The following MACROD2 variants were observed in gnomAD, a reference collection of about 807,000 sequenced individuals.
MACROD2 encodes the protein ADP-ribose glycohydrolase MACROD2.
In MACROD2, 36 loss-of-function variants were observed where a neutral mutation model predicts 70.4. That is an observed-to-expected ratio of 0.51 (90% CI 0.39 to 0.68). MACROD2 has a LOEUF of 0.68. Ranked by LOEUF, MACROD2 falls within the 30% of genes least tolerant of loss-of-function variation. The pLI is 0.00. For missense variants in MACROD2, 496 were observed against 538.4 expected (o/e 0.92, Z 0.78); for synonymous variants, 172 against 178.8 (o/e 0.96, Z 0.30).
At chr20:15,384,506 T>C (rs1484340269) in intron 6 of MACROD2, among the ~76,000 whole-genome samples, 1 of 152,164 alleles carries the variant, frequency 6.6e-6, no homozygotes, top group East Asian at 1.9e-4. Context: ...ATGAACTACA[T>C]GAAACCTCGT....
At chr20:15,537,110 T>C (rs920564362) in intron 8 of MACROD2, among the ~76,000 whole-genome samples, 5 of 152,210 alleles carry the variant, frequency 3.3e-5, no homozygotes, top group Admixed American at 1.3e-4. Flanking sequence ...TCGGACATAA[T>C]TGAATCCTGG....
intron 10 of MACROD2, among the ~76,000 whole-genome samples, chr20:15,890,111 T>G (rs6043598): frequency 0.024 from 3,628 of 152,278 alleles, 142 homozygotes; most frequent in African/African-American, 0.082. Flanking sequence ...ATGTTTCATG[T>G]TCATATTCAA....
chr20:15,262,417 A>G (rs1355033204), intron 6 of MACROD2, among the ~76,000 whole-genome samples: 3 of 152,040 alleles, frequency 2.0e-5, no homozygotes, highest in African/African-American at 7.2e-5. Flanking sequence ...CATTGCGTAT[A>G]TGTACCATGT....
chr20:14,721,871 GCAGTGACCTCTCTAATCCT>G (rs2071474009), intron 5 of MACROD2, among the ~76,000 whole-genome samples: 1 of 152,090 alleles, frequency 6.6e-6, no homozygotes. Context: ...CTCTAACCAT[GCAGTGACCTCTCTAATCCT>G]CCCCTTCTCT....
intron 9 of MACROD2, among the ~76,000 whole-genome samples, chr20:15,874,707 A>G (rs1177533857): frequency 6.6e-6 from 1 of 152,126 alleles, no homozygotes; most frequent in Admixed American, 6.6e-5. Flanking sequence ...CGCTTTGTAT[A>G]CAAAGCAATC....
Position 14,917,145 on chromosome 20 carries a change from T to A in MACROD2, c.418+232186T>A, listed in dbSNP as rs555610087. Among the ~76,000 whole-genome samples the A allele has an allele frequency of 2.0e-5, 3 of 151,188 alleles. No individual in the cohort carries two copies. In the Admixed American group the frequency reaches 2.0e-4, roughly 10 times the overall value. ...GGGGGCTTATTGCTTCCATCCCTGC[T>A]CAGATGGTTTTGCATTTCCGTGGCA... On this transcript the variant is annotated intron_variant, in intron 5 of 17. Coordinates refer to ENST00000684519, the MANE Select transcript of MACROD2 (RefSeq NM_001351661.2).
At chr20:15,728,031 A>G (rs1196767019) in intron 8 of MACROD2, among the ~76,000 whole-genome samples, 4 of 152,040 alleles carry the variant, frequency 2.6e-5, no homozygotes, top group African/African-American at 9.7e-5. Flanking sequence ...GATGTTGGCT[A>G]TGGGTTTGTC....
chr20:14,558,692 A>G (rs1322456000), intron 4 of MACROD2, among the ~76,000 whole-genome samples: 2 of 151,800 alleles, frequency 1.3e-5, no homozygotes, highest in Non-Finnish European at 3.0e-5. Flanking sequence ...GTGAAGCAAA[A>G]TGAAACATTA....
chr20:15,474,068 G>C (rs553537939), intron 7 of MACROD2, among the ~76,000 whole-genome samples: 1 of 152,178 alleles, frequency 6.6e-6, no homozygotes, highest in Non-Finnish European at 1.5e-5. Flanking sequence ...ATAGGAACGA[G>C]AATTAATTAT....
chr20:14,566,867 G>A (rs1979839972), intron 4 of MACROD2: 1 of 151,670 alleles, frequency 6.6e-6, no homozygotes, highest in South Asian at 2.1e-4. Flanking sequence ...AATTCTAATA[G>A]TATAAATTGT....
chr20:15,213,957 T>C (rs146349969), intron 5 of MACROD2, among the ~76,000 whole-genome samples: 2 of 152,152 alleles, frequency 1.3e-5, no homozygotes, highest in African/African-American at 4.8e-5. Context: ...AGAAACCAGA[T>C]TGGTCTTAAA....
chr20:14,086,221 C>A, intron 3 of MACROD2: 1 of 381,704 alleles, frequency 2.6e-6, no homozygotes. Context: ...TTATGAAATG[C>A]TTAATTTTAA....
At chr20:15,608,385 A>G (rs952557168) in intron 8 of MACROD2, among the ~76,000 whole-genome samples, 5 of 152,228 alleles carry the variant, frequency 3.3e-5, no homozygotes, top group Admixed American at 6.5e-5. Context: ...TTGATCTCTT[A>G]TGCTTTACCA....
At chr20:14,151,264 T>G (rs1601284275) in intron 3 of MACROD2, among the ~76,000 whole-genome samples, 1 of 52 alleles carries the variant, frequency 0.019, no homozygotes, top group South Asian at 0.5. Flanking sequence ...CTAGTGTAGA[T>G]TTTTTTTCTG....
chr20:15,898,700 G>A (rs2065014234), intron 10 of MACROD2, among the ~76,000 whole-genome samples: 2 of 151,976 alleles, frequency 1.3e-5, no homozygotes, highest in Admixed American at 1.3e-4. Flanking sequence ...CTTGAGTCTA[G>A]GTTACCTGGG....
At chr20:15,851,720 G>A (rs1025209786) in intron 8 of MACROD2, among the ~76,000 whole-genome samples, 2 of 152,132 alleles carry the variant, frequency 1.3e-5, no homozygotes, top group Non-Finnish European at 2.9e-5. Flanking sequence ...GAGGGAAGGG[G>A]GTCTGGGCCT....
intron 8 of MACROD2, among the ~76,000 whole-genome samples, chr20:15,550,039 G>C (rs1045689631): frequency 2.0e-5 from 3 of 151,850 alleles, no homozygotes; most frequent in African/African-American, 7.2e-5. Context: ...TTTATATTCA[G>C]ATTTCCCCAG....
chr20:15,438,091 G>T (rs1040753567), intron 7 of MACROD2, among the ~76,000 whole-genome samples: 1 of 151,852 alleles, frequency 6.6e-6, no homozygotes, highest in Non-Finnish European at 1.5e-5. Flanking sequence ...GGAGGTGGAA[G>T]TTGCAGTGAG....
At chr20:15,162,379 G>A (rs1474261675) in intron 5 of MACROD2, among the ~76,000 whole-genome samples, 2 of 151,980 alleles carry the variant, frequency 1.3e-5, no homozygotes, top group African/African-American at 4.8e-5. Flanking sequence ...AATCTGAGAT[G>A]TTTGCATAAA....
Sources: gnomAD v4.1 joint callset for allele counts (sites outside exome capture counted in the v4.1 genomes callset) on GRCh38, gnomAD v4.1.1 for gene constraint, MANE v1.5 for transcripts, NCBI Gene and HGNC (gene_info 2026-07-23, HGNC 2026-07-21) for gene names.